PLS1: variants seen among roughly 807,000 people sequenced by gnomAD.
The protein encoded by PLS1 is plastin-1.
In PLS1, 32 loss-of-function variants were observed where a neutral mutation model predicts 73.7. That is an observed-to-expected ratio of 0.43 (90% CI 0.33 to 0.58). PLS1 has a LOEUF of 0.58. Among genes scored for constraint, PLS1 ranks in the 20% least tolerant of loss-of-function variants. The pLI is 0.04. For synonymous variants in PLS1, 217 were observed against 261.3 expected, an observed-to-expected ratio of 0.83 and a Z score of 1.63; for missense variants, 633 against 740.5, an observed-to-expected ratio of 0.85 and a Z score of 1.68.
intron 5 of PLS1, among the ~76,000 whole-genome samples, chr3:142,677,782 TTTAA>T (rs1236881493): frequency 6.6e-6 from 1 of 152,176 alleles, no homozygotes; most frequent in Non-Finnish European, 1.5e-5. Context: ...TGAATTATAG[TTTAA>T]TTAATTATTA....
chr3:142,704,618 T>G (rs2038413635), intron 14 of PLS1, 32 bp downstream of exon 14: 1 of 1,380,708 alleles, frequency 7.2e-7, no homozygotes, highest in Non-Finnish European at 9.9e-7. Flanking sequence ...AATTTTTTTT[T>G]GTAGGTATAG....
At chr3:142,668,150 C>A (rs1349955407) in intron 2 of PLS1, among the ~76,000 whole-genome samples, 4 of 152,122 alleles carry the variant, frequency 2.6e-5, no homozygotes, top group Non-Finnish European at 5.9e-5. Flanking sequence ...ATCCAGGCAA[C>A]AAAACAGTGC....
At chr3:142,632,048 G>T (rs759702991) in intron 1 of PLS1, among the ~76,000 whole-genome samples, 1 of 152,074 alleles carries the variant, frequency 6.6e-6, no homozygotes, top group Non-Finnish European at 1.5e-5. Flanking sequence ...TAAAAAGTGG[G>T]CAAAAGATTG....
At chr3:142,649,342 A>C (rs1164599940) in intron 1 of PLS1, among the ~76,000 whole-genome samples, 1 of 151,144 alleles carries the variant, frequency 6.6e-6, no homozygotes, top group Non-Finnish European at 1.5e-5. Context: ...TGTCAAAAAA[A>C]AAAAAAAAAA....
intron 1 of PLS1, among the ~76,000 whole-genome samples, chr3:142,609,902 T>C (rs899411533): frequency 2.0e-5 from 3 of 152,204 alleles, no homozygotes; most frequent in African/African-American, 7.2e-5. Flanking sequence ...GGAGTCTTGC[T>C]CTTTCGCGCA....
intron 1 of PLS1, among the ~76,000 whole-genome samples, chr3:142,627,532 G>GT (rs1321774524): frequency 3.3e-5 from 5 of 151,952 alleles, no homozygotes. Flanking sequence ...TCTGCTATCT[G>GT]TTTTTTTTCT....
chr3:142,712,949 C>T lies in PLS1; in HGVS notation c.*942C>T, dbSNP rs1933203121. 1 of 152,544 alleles carries T rather than the reference C, an allele frequency of 6.6e-6. No homozygotes were observed. Among genetic ancestry groups the T allele is most frequent in the Non-Finnish European group, 1.5e-5 (1 of 67,982 alleles). 9.4% of individuals were successfully genotyped at this position (152,544 alleles called of 1,614,324 possible). On this transcript the variant is annotated 3_prime_UTR_variant, in exon 16 of 16. Coordinates refer to ENST00000457734, the MANE Select transcript of PLS1 (RefSeq NM_001145319.2). Reference sequence around the variant, plus strand: ...ACTTGTAGCCAAACATTGGCTAGAACATCCCAAGATATGCTGACACTGTCC... The same window carrying T: ...ACTTGTAGCCAAACATTGGCTAGAATATCCCAAGATATGCTGACACTGTCC...
In PLS1 at chr3:142,703,835, TCTTTTTATACCCAAA is replaced by T; in HGVS notation, c.1372-27_1372-13del. 1.3e-6 allele frequency: 2 copies of T among 1,517,944 alleles called. No individual in the cohort carries two copies. The highest frequency in any genetic ancestry group is 1.8e-6 in the Non-Finnish European group (2 of 1,095,552). 94.0% of individuals were successfully genotyped at this position (1,517,944 alleles called of 1,614,324 possible). A position where few individuals can be genotyped will look rare whatever the true frequency, so the allele number is the denominator to read the frequency against. On this transcript the variant is annotated intron_variant, in intron 12 of 15. Coordinates refer to ENST00000457734, the MANE Select transcript of PLS1 (RefSeq NM_001145319.2). The stretch of plus-strand genomic sequence containing the variant: ...TATTCTGGAGATATGTTTTTAAAAA[TCTTTTTATACCCAAA>T]CTTTTACTTATTTATAGATTGAAAA...
chr3:142,639,275 T>A (rs367976687), intron 1 of PLS1, among the ~76,000 whole-genome samples: 1 of 152,080 alleles, frequency 6.6e-6, no homozygotes, highest in East Asian at 1.9e-4. Context: ...CTTTGTGTAG[T>A]CCCTGGGTGT....
chr3:142,704,650 T>G (rs914081768), intron 14 of PLS1, 64 bp downstream of exon 14: 2 of 836,728 alleles, frequency 2.4e-6, no homozygotes, highest in Non-Finnish European at 3.4e-6. Context: ...TTTTTTTTTT[T>G]TTTTTTTTTT....
At chr3:142,679,658 GC>G (rs1461916964) in intron 6 of PLS1, among the ~76,000 whole-genome samples, 3 of 151,348 alleles carry the variant, frequency 2.0e-5, no homozygotes, top group African/African-American at 7.2e-5. Context: ...CCAGTACCAT[GC>G]TGTTTTGGTT....
chr3:142,674,441 T>C lies in PLS1; in HGVS notation c.365-1716T>C, dbSNP rs1000130607. On this transcript the variant is annotated intron_variant, in intron 4 of 15. Transcript: ENST00000457734. Reference sequence around the variant, plus strand: ...GGGAAAATTACTTAATTCTAGGAACTGGGGCAACAATGGAGAAGGCCAAAT... The same window carrying C: ...GGGAAAATTACTTAATTCTAGGAACCGGGGCAACAATGGAGAAGGCCAAAT... 2.6e-5 allele frequency among the ~76,000 whole-genome samples: 4 copies of C among 152,198 alleles called. No homozygotes were observed. The South Asian group carries it at 8.3e-4, about 31-fold the overall frequency.
At chr3:142,693,788 G>C (rs1367887721) in intron 10 of PLS1, among the ~76,000 whole-genome samples, 1 of 151,874 alleles carries the variant, frequency 6.6e-6, no homozygotes, top group Admixed American at 6.6e-5. Context: ...CTCCTTGAGG[G>C]GATCTTTGAG....
intron 1 of PLS1, among the ~76,000 whole-genome samples, chr3:142,618,261 T>G (rs1021708123): frequency 1.3e-5 from 2 of 152,160 alleles, no homozygotes; most frequent in Admixed American, 1.3e-4. Flanking sequence ...AAACTCTGCC[T>G]ACCCCCCACC....
At chr3:142,698,756 CCTT>C (rs2038264620) in intron 12 of PLS1, among the ~76,000 whole-genome samples, 1 of 152,144 alleles carries the variant, frequency 6.6e-6, no homozygotes, top group South Asian at 2.1e-4. Flanking sequence ...TTTGTATAAT[CCTT>C]CTAAAACCAG....
intron 1 of PLS1, among the ~76,000 whole-genome samples, chr3:142,597,674 G>C (rs2035836632): frequency 6.6e-6 from 1 of 152,162 alleles, no homozygotes; most frequent in South Asian, 2.1e-4. Flanking sequence ...TGAGAAAACT[G>C]AGACCAGCGA....
intron 10 of PLS1, among the ~76,000 whole-genome samples, chr3:142,693,212 G>A (rs774808409): frequency 6.6e-6 from 1 of 152,160 alleles, no homozygotes; most frequent in Non-Finnish European, 1.5e-5. Flanking sequence ...GTTAGATAAT[G>A]GCATTGAAAT....
chr3:142,683,640 T>C (rs1007920409), intron 6 of PLS1, among the ~76,000 whole-genome samples: 1 of 152,248 alleles, frequency 6.6e-6, no homozygotes, highest in Non-Finnish European at 1.5e-5. Flanking sequence ...AAAATTATCT[T>C]AAAACCTAAT....
At chr3:142,704,942 G>A (rs927269837) in intron 14 of PLS1, among the ~76,000 whole-genome samples, 3 of 151,706 alleles carry the variant, frequency 2.0e-5, no homozygotes, top group Non-Finnish European at 4.4e-5. Context: ...ACAGGCATGA[G>A]CTACCACGCC....
Sources: gnomAD v4.1 joint callset for allele counts (sites outside exome capture counted in the v4.1 genomes callset) on GRCh38, gnomAD v4.1.1 for gene constraint, MANE v1.5 for transcripts, NCBI Gene and HGNC (gene_info 2026-07-23, HGNC 2026-07-21) for gene names.